The following TMEM179 variants were observed in gnomAD, a reference collection of about 807,000 sequenced individuals.
The protein encoded by TMEM179 is transmembrane protein 179A.
TMEM179 carries 17 observed loss-of-function variants against 22.2 expected under a neutral mutation model. The ratio of observed to expected loss-of-function variants is 0.77; its 90% CI spans 0.52 to 1.15. The LOEUF (loss-of-function observed/expected upper bound fraction) is 1.15, where lower values mean the gene tolerates loss of function less well. TMEM179 is among the 50% of genes most tolerant of loss of function. The pLI is 0.00. For missense variants in TMEM179, 265 were observed against 313.6 expected, an observed-to-expected ratio of 0.84 and a Z score of 1.17; for synonymous variants, 127 against 140.5, an observed-to-expected ratio of 0.90 and a Z score of 0.68.
chr14:104,599,138 GAGCTGTC>G (rs1351455054), intron 1 of TMEM179, among the ~76,000 whole-genome samples: 2 of 152,218 alleles, frequency 1.3e-5, no homozygotes, highest in African/African-American at 4.8e-5. Context: ...GTGAGTCTCA[GAGCTGTC>G]ACACATGGGA....
chr14:104,600,538 A>G (rs1261643395), intron 1 of TMEM179, among the ~76,000 whole-genome samples: 1 of 152,206 alleles, frequency 6.6e-6, no homozygotes, highest in Non-Finnish European at 1.5e-5. Flanking sequence ...CTGCCCCGAA[A>G]TGGCAAGCCT....
intron 1 of TMEM179, among the ~76,000 whole-genome samples, chr14:104,600,633 T>TTCATTCAC (rs1268398314): frequency 7.2e-5 from 11 of 152,206 alleles, no homozygotes; most frequent in Non-Finnish European, 1.2e-4. Context: ...CATTCATTCA[T>TTCATTCAC]TCATTCACTC....
intron 1 of TMEM179, among the ~76,000 whole-genome samples, chr14:104,601,140 T>A (rs1260531442): frequency 6.6e-6 from 1 of 152,236 alleles, no homozygotes; most frequent in Non-Finnish European, 1.5e-5. Context: ...TCTATGCAGC[T>A]GGACCAACAA....
chr14:104,593,246 C>G lies in TMEM179; in HGVS notation c.*233G>C. 4 of 597,264 alleles carry G rather than the reference C, an allele frequency of 6.7e-6. No individual in the cohort carries two copies. Among genetic ancestry groups the G allele is most frequent in the Non-Finnish European group, 1.2e-5 (4 of 340,600 alleles). The allele number at this position is 597,264 out of a possible 1,614,324, so 37.0% of individuals were successfully genotyped here. A position where few individuals can be genotyped will look rare whatever the true frequency, so the allele number is the denominator to read the frequency against. On this transcript the variant is annotated 3_prime_UTR_variant, in exon 4 of 4. Transcript: ENST00000556573. ...GGTGCCCCCCGCCCCCGCCCCACACCCATAGTCTCTCTGCACCATCCTCAT... is the reference window on the plus strand; with the variant it reads ...GGTGCCCCCCGCCCCCGCCCCACACGCATAGTCTCTCTGCACCATCCTCAT...
Position 104,593,144 on chromosome 14 carries a change from C to A in TMEM179, c.*335G>T. ...AGCATCCGGCCAGGGTTGGGGGAGA[C>A]AAGCTGGACGCCCTCCACATAGGCT... is the stretch of plus-strand genomic sequence containing the variant. On this transcript the variant is annotated 3_prime_UTR_variant, in exon 4 of 4. Transcript: ENST00000556573. 2.6e-6 allele frequency: 1 copy of A among 389,496 alleles called. No individual in the cohort carries two copies. The highest frequency in any genetic ancestry group is 4.7e-6 in the Non-Finnish European group (1 of 214,742). 24.1% of individuals were successfully genotyped at this position (389,496 alleles called of 1,614,324 possible).
intron 1 of TMEM179, among the ~76,000 whole-genome samples, chr14:104,598,182 C>T (rs1018326400): frequency 2.0e-5 from 3 of 152,206 alleles, no homozygotes; most frequent in Non-Finnish European, 4.4e-5. Flanking sequence ...CTGGGGTGGG[C>T]TCAGCCTGGA....
Position 104,597,120 on chromosome 14 carries a change from A to G in TMEM179, c.313T>C (p.Phe105Leu), listed in dbSNP as rs1239598395. 6.3e-7 allele frequency: 1 copy of G among 1,595,340 alleles called. No individual in the cohort carries two copies. The highest frequency in any genetic ancestry group is 8.5e-7 in the Non-Finnish European group (1 of 1,172,140). ...ACCAGGAGGTTCAGGAAGGCGGAGA[A>G]GAAGGAGCTGCAGCCAGAAACAGGA... The part of the protein sequence containing the change: ...FLCKGHEGSF[F>L]SAFLNLLVSA... The change falls in exon 2 of 4, where the codon TTC (phenylalanine) becomes CTC (leucine). Residue 105 changes from phenylalanine (F) to leucine (L), a missense_variant. By Grantham distance (22) the Phe-to-Leu change is conservative. Coordinates refer to ENST00000556573, the MANE Select transcript of TMEM179 (RefSeq NM_001286389.2). The surrounding 1 kb of genome is among the most constrained non-coding windows in gnomAD (Gnocchi z 4.8).
chr14:104,604,312 G>A lies in TMEM179; in HGVS notation c.305+125C>T, dbSNP rs1887344197. ...TGAGTGGAGGGGGTGAGGGCGGATT[G>A]TTGACATTTGCGGGCCTCGGAGCTG... On this transcript the variant is annotated intron_variant, in intron 1 of 3. Coordinates refer to ENST00000556573, the MANE Select transcript of TMEM179 (RefSeq NM_001286389.2). This position sits in a 1 kb window ranked among gnomAD's most constrained non-coding sequence, Gnocchi z 4.6. 11 of 1,092,550 alleles carry A rather than the reference G, an allele frequency of 1.0e-5. No homozygotes were observed. The South Asian group carries it at 1.5e-4, about 15-fold the overall frequency. The allele number at this position is 1,092,550 out of a possible 1,614,324, so 67.7% of individuals were successfully genotyped here.
chr14:104,596,961 G>C (rs8022340), intron 2 of TMEM179, 29 bp downstream of exon 2: 172,623 of 1,592,910 alleles, frequency 0.11, 11,004 homozygotes, highest in African/African-American at 0.28. Context: ...GGAGGTGGGC[G>C]GAGGCCGAGG....
At chr14:104,600,096 G>A (rs1887186059) in intron 1 of TMEM179, among the ~76,000 whole-genome samples, 1 of 152,232 alleles carries the variant, frequency 6.6e-6, no homozygotes. Flanking sequence ...CCAGCTGACA[G>A]CCTCGGTCTG....
chr14:104,603,994 C>T (rs1887330188), intron 1 of TMEM179, among the ~76,000 whole-genome samples: 1 of 152,186 alleles, frequency 6.6e-6, no homozygotes, highest in South Asian at 2.1e-4. Context: ...TTTCCCGGGG[C>T]GATGGTGCCG....
chr14:104,593,380 C>CA lies in TMEM179; in HGVS notation c.*98dup. On this transcript the variant is annotated 3_prime_UTR_variant, in exon 4 of 4. Transcript: ENST00000556573. ...GGACACACGCAGGGCTGCATGTGGC[C>CA]AGGGCCCAGGCAGAGCCCCCCAGCT... The CA allele has an allele frequency of 6.9e-7, 1 of 1,440,690 alleles. No individual in the cohort carries two copies. The highest frequency in any genetic ancestry group is 1.3e-5 in the South Asian group (1 of 78,530). 89.2% of individuals were successfully genotyped at this position (1,440,690 alleles called of 1,614,324 possible).
At position 104,591,459 on chromosome 14, in the gene TMEM179, G is replaced by A. The variant is rs1251268098; in HGVS notation, c.*2020C>T. ...GTCCAGTGGGTCAGGGCTGGAAGGG[G>A]AGACAGGGGACCCCATCAGCTTAGG... On this transcript the variant is annotated 3_prime_UTR_variant, in exon 4 of 4. Coordinates refer to ENST00000556573, the MANE Select transcript of TMEM179 (RefSeq NM_001286389.2). 2.2e-6 allele frequency: 1 copy of A among 455,588 alleles called. No homozygotes were observed. The highest frequency in any genetic ancestry group is 1.6e-5 in the South Asian group (1 of 64,506). The allele number at this position is 455,588 out of a possible 1,614,324, so 28.2% of individuals were successfully genotyped here.
intron 2 of TMEM179, 22 bp downstream of exon 2, chr14:104,596,968 G>A (rs762067882): frequency 5.1e-5 from 82 of 1,597,016 alleles, no homozygotes; most frequent in Non-Finnish European, 6.3e-5. Context: ...GGCGGAGGCC[G>A]AGGCGGGTGG....
At chr14:104,603,303 G>C (rs1000041353) in intron 1 of TMEM179, among the ~76,000 whole-genome samples, 1 of 152,128 alleles carries the variant, frequency 6.6e-6, no homozygotes, top group East Asian at 1.9e-4. Flanking sequence ...CACTCCTGCC[G>C]CCCACACCCC....
Position 104,593,431 on chromosome 14 carries a change from C to T in TMEM179, c.*48G>A, listed in dbSNP as rs966368736. The T allele has an allele frequency of 2.9e-5, 44 of 1,534,586 alleles. No homozygotes were observed. The Admixed American group carries it at 2.9e-4, about 10-fold the overall frequency. On this transcript the variant is annotated 3_prime_UTR_variant, in exon 4 of 4. Transcript: ENST00000556573. ...GCTTCCCCAGGCAGGCCCGTGCCCCCGAGCGCAGCAGGGAGGTCGGGGCCA... is the reference window on the plus strand; with the variant it reads ...GCTTCCCCAGGCAGGCCCGTGCCCCTGAGCGCAGCAGGGAGGTCGGGGCCA...
rs1330504578 is a variant in TMEM179 at position 104,604,736 on chromosome 14, C to T, written c.6G>A (p.Ala2=). 7.7e-6 allele frequency: 12 copies of T among 1,561,414 alleles called. No homozygotes were observed. The highest frequency in any genetic ancestry group is 8.6e-6 in the Non-Finnish European group (10 of 1,157,578). The change falls in exon 1 of 4, where the codon GCG becomes GCA. Residue 2 remains alanine, a synonymous_variant. Coordinates refer to ENST00000556573, the MANE Select transcript of TMEM179 (RefSeq NM_001286389.2). The surrounding 1 kb of genome is among the most constrained non-coding windows in gnomAD (Gnocchi z 4.6). ...ACTGAGCGAAAAGGAAATTGTTGAG[C>T]GCCATGGCCGGCCCGGGCGAGAGCG... M[A]LNNFLFAQCA...
intron 1 of TMEM179, among the ~76,000 whole-genome samples, chr14:104,599,717 C>G (rs2140494539): frequency 6.6e-6 from 1 of 152,324 alleles, no homozygotes; most frequent in Middle Eastern, 3.4e-3. Context: ...GTCAGCTCCA[C>G]AGCCAGAGGC....
In TMEM179 at chr14:104,595,077, C is replaced by A. The variant is rs764260187; in HGVS notation, c.522+88G>T. ...TCCACACAGGAGCCTGCCTCCTCCTCTGGATGGGGGAGAGCTCAGCAAATG... is the reference window on the plus strand; with the variant it reads ...TCCACACAGGAGCCTGCCTCCTCCTATGGATGGGGGAGAGCTCAGCAAATG... On this transcript the variant is annotated intron_variant, in intron 3 of 3. Coordinates refer to ENST00000556573, the MANE Select transcript of TMEM179 (RefSeq NM_001286389.2). The surrounding 1 kb of genome is among the most constrained non-coding windows in gnomAD (Gnocchi z 5.7). 1.3e-6 allele frequency: 2 copies of A among 1,597,214 alleles called. No homozygotes were observed. The highest frequency in any genetic ancestry group is 1.7e-6 in the Non-Finnish European group (2 of 1,170,296).
Sources: gnomAD v4.1 joint callset for allele counts (sites outside exome capture counted in the v4.1 genomes callset) on GRCh38, gnomAD v4.1.1 for gene constraint, Gnocchi (gnomAD v3.1) non-coding constraint, MANE v1.5 for transcripts, NCBI Gene and HGNC (gene_info 2026-07-23, HGNC 2026-07-21) for gene names.